TBC1D5: variants seen among roughly 807,000 people sequenced by gnomAD.
The protein encoded by TBC1D5 is TBC1 domain family member 5.
Under a neutral mutation model 100.3 loss-of-function variants are expected in TBC1D5, and 75 were observed. The ratio of observed to expected loss-of-function variants is 0.75; its 90% confidence interval spans 0.62 to 0.91. The LOEUF (loss-of-function observed/expected upper bound fraction) is 0.91. Ranked by LOEUF, TBC1D5 falls within the 40% of genes least tolerant of loss-of-function variation. The probability of loss-of-function intolerance (pLI) is 0.00; values close to 1 mark genes in which losing one functional copy is unlikely to be tolerated. For missense variants in TBC1D5, 910 were observed against 942.4 expected (o/e 0.97, Z 0.45); for synonymous variants, 323 against 325.6 (o/e 0.99, Z 0.09).
intron 3 of TBC1D5, among the ~76,000 whole-genome samples, chr3:17,478,766 T>C (rs1374019892): frequency 6.6e-6 from 1 of 152,194 alleles, no homozygotes; most frequent in African/African-American, 2.4e-5. Context: ...GTTTGTTTAC[T>C]TGGAAAGCTG....
At chr3:17,285,748 T>A (rs2081123007) in intron 15 of TBC1D5, among the ~76,000 whole-genome samples, 1 of 152,220 alleles carries the variant, frequency 6.6e-6, no homozygotes, top group African/African-American at 2.4e-5. Flanking sequence ...TAGTGAGATT[T>A]CTTGGAATTA....
At chr3:17,327,551 A>G (rs2086300159) in intron 13 of TBC1D5, among the ~76,000 whole-genome samples, 1 of 152,100 alleles carries the variant, frequency 6.6e-6, no homozygotes, top group Non-Finnish European at 1.5e-5. Flanking sequence ...TTGCAATGCC[A>G]TCTGCTTGGA....
At chr3:17,439,542 T>C (rs575220808) in intron 3 of TBC1D5, among the ~76,000 whole-genome samples, 4 of 152,240 alleles carry the variant, frequency 2.6e-5, no homozygotes, top group East Asian at 1.9e-4. Context: ...AATCTTCAAA[T>C]ATCAATTTTT....
intron 1 of TBC1D5, among the ~76,000 whole-genome samples, chr3:17,659,546 T>C (rs549406102): frequency 6.6e-6 from 1 of 152,228 alleles, no homozygotes; most frequent in South Asian, 2.1e-4. Context: ...CTACTTTGAA[T>C]CAATTTATTA....
At chr3:17,223,382 C>T (rs983306810) in intron 17 of TBC1D5, among the ~76,000 whole-genome samples, 7 of 152,236 alleles carry the variant, frequency 4.6e-5, no homozygotes, top group Admixed American at 2.6e-4. Context: ...GTGATATTTG[C>T]AAAATGCTTG....
chr3:17,625,916 T>C (rs1251582943), intron 1 of TBC1D5, among the ~76,000 whole-genome samples: 2 of 152,288 alleles, frequency 1.3e-5, no homozygotes, highest in African/African-American at 4.8e-5. Flanking sequence ...ATTTTCATTA[T>C]CTTTTAACTA....
chr3:17,298,435 G>T (rs552256666), intron 14 of TBC1D5, among the ~76,000 whole-genome samples: 5 of 152,276 alleles, frequency 3.3e-5, no homozygotes, highest in Non-Finnish European at 5.9e-5. Flanking sequence ...TGATAATAAT[G>T]ATACATACTA....
At chr3:17,165,767 ATAT>A (rs926365150) in intron 21 of TBC1D5, among the ~76,000 whole-genome samples, 14 of 152,366 alleles carry the variant, frequency 9.2e-5, no homozygotes, top group African/African-American at 2.9e-4. Context: ...GATTTTAAAA[ATAT>A]TATTAATAAT....
At position 17,567,906 on chromosome 3, in the gene TBC1D5, A is replaced by G. The variant is rs549124503; in HGVS notation, c.-36+55943T>C. Among the ~76,000 whole-genome samples the G allele has an allele frequency of 9.9e-5, 15 of 151,846 alleles. No individual in the cohort carries two copies. In the South Asian group the frequency reaches 1.9e-3, roughly 19 times the overall value. On this transcript the variant is annotated intron_variant, in intron 2 of 21. Transcript: ENST00000253692. ...CCACACAAGTATAAAAGACCAAAAG[A>G]TATTCAAGAATAAGCATCCAGGTAT...
At chr3:17,319,639 G>T (rs978307255) in intron 13 of TBC1D5, among the ~76,000 whole-genome samples, 2 of 151,976 alleles carry the variant, frequency 1.3e-5, no homozygotes, top group Admixed American at 6.6e-5. Context: ...GGGAGGCAGA[G>T]GCGGGCGGAT....
intron 3 of TBC1D5, among the ~76,000 whole-genome samples, chr3:17,489,716 C>T (rs1165286365): frequency 1.3e-5 from 2 of 152,120 alleles, no homozygotes; most frequent in African/African-American, 4.8e-5. Context: ...CACAGTATTC[C>T]ATGGTGAATA....
At chr3:17,636,731 G>A (rs939936954) in intron 1 of TBC1D5, among the ~76,000 whole-genome samples, 14 of 151,960 alleles carry the variant, frequency 9.2e-5, no homozygotes, top group Non-Finnish European at 2.1e-4. Context: ...AACCCGGGAG[G>A]TGGAGCTTGC....
At chr3:17,597,410 A>G (rs2060639730) in intron 2 of TBC1D5, among the ~76,000 whole-genome samples, 1 of 152,222 alleles carries the variant, frequency 6.6e-6, no homozygotes, top group African/African-American at 2.4e-5. Flanking sequence ...CCAAGATCTT[A>G]TAACTAACAA....
intron 1 of TBC1D5, among the ~76,000 whole-genome samples, chr3:17,688,577 T>A (rs1378553689): frequency 6.6e-6 from 1 of 152,204 alleles, no homozygotes; most frequent in Non-Finnish European, 1.5e-5. Context: ...AGCTGTATCT[T>A]TACCAACCGG....
intron 3 of TBC1D5, among the ~76,000 whole-genome samples, chr3:17,429,738 A>T (rs910056968): frequency 3.7e-4 from 56 of 152,048 alleles, no homozygotes; most frequent in Non-Finnish European, 1.6e-4. Flanking sequence ...ATGTAATTTT[A>T]ATGACAGCTA....
chr3:17,480,343 G>A (rs539310362), intron 3 of TBC1D5, among the ~76,000 whole-genome samples: 7 of 152,248 alleles, frequency 4.6e-5, no homozygotes, highest in Middle Eastern at 3.4e-3. Context: ...GTGAAGCCCC[G>A]CCTTAAAGCC....
intron 3 of TBC1D5, among the ~76,000 whole-genome samples, chr3:17,438,541 A>G (rs370800544): frequency 1.1e-4 from 17 of 152,182 alleles, no homozygotes; most frequent in African/African-American, 4.1e-4. Flanking sequence ...TCCTGCTGCC[A>G]TGTGAAGAAG....
chr3:17,529,141 G>A (rs1467868167), intron 2 of TBC1D5, among the ~76,000 whole-genome samples: 1 of 152,138 alleles, frequency 6.6e-6, no homozygotes, highest in Non-Finnish European at 1.5e-5. Context: ...TTCGATGAGT[G>A]ACTACTCACA....
chr3:17,337,219 A>C (rs2088037105), intron 13 of TBC1D5, among the ~76,000 whole-genome samples: 1 of 149,102 alleles, frequency 6.7e-6, no homozygotes, highest in Non-Finnish European at 1.5e-5. Flanking sequence ...TTATATTTCT[A>C]ATGAGCTCCC....
Sources: allele counts gnomAD v4.1 joint callset (sites outside exome capture counted in the v4.1 genomes callset), GRCh38; gene constraint gnomAD v4.1.1; transcripts MANE v1.5; gene names NCBI Gene and HGNC (gene_info 2026-07-23, HGNC 2026-07-21).